The following SNAI1 variants were observed in gnomAD, a reference collection of about 807,000 sequenced individuals.
SNAI1 encodes the protein zinc finger protein SNAI1.
Under a neutral mutation model 24.7 loss-of-function variants are expected in SNAI1, and 15 were observed. The observed-to-expected ratio is 0.61, with a 90% CI of 0.41 to 0.93. The LOEUF (loss-of-function observed/expected upper bound fraction) is 0.93. Ranked by LOEUF, SNAI1 falls within the 40% of genes least tolerant of loss-of-function variation. The pLI is 0.00. For synonymous variants in SNAI1, 163 were observed against 142.9 expected (o/e 1.14, Z -1.00); for missense variants, 283 against 336.7 (o/e 0.84, Z 1.25).
At position 49,987,930 on chromosome 20, in the gene SNAI1, G is replaced by A; in HGVS notation, c.669G>A (p.Leu223=). Reference sequence around the variant, plus strand: ...GTGCCTTCGCTGACCGCTCCAACCTGCGGGCCCACCTCCAGACCCACTCAG... The same window carrying A: ...GTGCCTTCGCTGACCGCTCCAACCTACGGGCCCACCTCCAGACCCACTCAG... The part of the protein sequence containing the change: ...CSRAFADRSN[L]RAHLQTHSDV... Residue 223 remains leucine (L), a synonymous_variant, in exon 3 of 3, where the codon CTG becomes CTA. Coordinates refer to ENST00000244050, the MANE Select transcript of SNAI1 (RefSeq NM_005985.4). The A allele has an allele frequency of 2.5e-6, 4 of 1,614,058 alleles. No individual in the cohort carries two copies. The highest frequency in any genetic ancestry group is 3.4e-6 in the Non-Finnish European group (4 of 1,179,998).
At chr20:49,984,620 A>G (rs2078328246) in intron 2 of SNAI1, among the ~76,000 whole-genome samples, 2 of 152,178 alleles carry the variant, frequency 1.3e-5, no homozygotes, top group Non-Finnish European at 2.9e-5. Context: ...AGGTGCAACC[A>G]ACACCTTGCT....
At position 49,988,372 on chromosome 20, in the gene SNAI1, G is replaced by A. The variant is rs902443306; in HGVS notation, c.*316G>A. 6 of 268,068 alleles carry A rather than the reference G, an allele frequency of 2.2e-5. No individual in the cohort carries two copies. The highest frequency in any genetic ancestry group is 1.3e-4 in the African/African-American group (6 of 45,006). 16.6% of individuals were successfully genotyped at this position (268,068 alleles called of 1,614,324 possible). A position where few individuals can be genotyped will look rare whatever the true frequency, so the allele number is the denominator to read the frequency against. Reference sequence around the variant, plus strand: ...AGAGCTGTTTGGATACAGCTGCTTTGAGCTACAGGACAAAGGCTGACAGAC... The same window carrying A: ...AGAGCTGTTTGGATACAGCTGCTTTAAGCTACAGGACAAAGGCTGACAGAC... On this transcript the variant is annotated 3_prime_UTR_variant, in exon 3 of 3. Transcript: ENST00000244050.
At position 49,988,440 on chromosome 20, in the gene SNAI1, TCA is replaced by T; in HGVS notation, c.*392_*393del. The T allele has an allele frequency of 1.8e-5, 3 of 167,212 alleles. No homozygotes were observed. Among genetic ancestry groups the T allele is most frequent in the Non-Finnish European group, 1.3e-5 (1 of 78,386 alleles). 10.4% of individuals were successfully genotyped at this position (167,212 alleles called of 1,614,324 possible). On this transcript the variant is annotated 3_prime_UTR_variant, in exon 3 of 3. Coordinates refer to ENST00000244050, the MANE Select transcript of SNAI1 (RefSeq NM_005985.4). ...CCCCACTCAGGGGACCCCACTCCCCTCACACACACCCCCCCACAAGGAACCCT... is the reference window on the plus strand; with the variant it reads ...CCCCACTCAGGGGACCCCACTCCCCTCACACACCCCCCCACAAGGAACCCT...
In SNAI1 at chr20:49,983,900, C is replaced by T. The variant is rs1231914478; in HGVS notation, c.159C>T (p.Thr53=). Residue 53 remains threonine (T), a synonymous_variant, in exon 2 of 3, where the codon ACC becomes ACT. Transcript: ENST00000244050. ...CACCTCCGGAGATCCTCAACCCCAC[C>T]GCCTCGCTGCCAATGCTCATCTGGG... ...AIPPPEILNP[T]ASLPMLIWDS... is the part of the protein sequence containing the mutation. 6 of 1,613,122 alleles carry T rather than the reference C, an allele frequency of 3.7e-6. No homozygotes were observed. The highest frequency in any genetic ancestry group is 1.6e-4 in the Middle Eastern group (1 of 6,080).
In SNAI1 at chr20:49,984,011, C is replaced by A; in HGVS notation, c.270C>A (p.Ser90=). The A allele has an allele frequency of 6.2e-7, 1 of 1,613,484 alleles. No homozygotes were observed. The highest frequency in any genetic ancestry group is 8.5e-7 in the Non-Finnish European group (1 of 1,179,666). The change falls in exon 2 of 3, where the codon TCC becomes TCA. Residue 90 remains serine, a synonymous_variant. Coordinates refer to ENST00000244050, the MANE Select transcript of SNAI1 (RefSeq NM_005985.4). ...GTCCCAGGGTGGCAGAGCTGACCTC[C>A]CTGTCAGATGAGGACAGTGGGAAAG... ...QESPRVAELT[S]LSDEDSGKGS...
Position 49,987,999 on chromosome 20 carries a change from C to T in SNAI1, c.738C>T (p.Ser246=), listed in dbSNP as rs1215540236. ...YQCQACARTF[S]RMSLLHKHQE... ...GCCAGGCGTGTGCTCGGACCTTCTCCCGAATGTCCCTGCTCCACAAGCACC... is the reference window on the plus strand; with the variant it reads ...GCCAGGCGTGTGCTCGGACCTTCTCTCGAATGTCCCTGCTCCACAAGCACC... The change falls in exon 3 of 3, where the codon TCC becomes TCT. Residue 246 remains serine (S), a synonymous_variant. Coordinates refer to ENST00000244050, the MANE Select transcript of SNAI1 (RefSeq NM_005985.4). 1 of 1,613,742 alleles carries T rather than the reference C, an allele frequency of 6.2e-7. No individual in the cohort carries two copies. The highest frequency in any genetic ancestry group is 1.7e-5 in the Admixed American group (1 of 59,972).
chr20:49,985,167 C>G (rs908985142), intron 2 of SNAI1, among the ~76,000 whole-genome samples: 1 of 152,158 alleles, frequency 6.6e-6, no homozygotes, highest in Non-Finnish European at 1.5e-5. Flanking sequence ...TGAAAATTTA[C>G]TAAATGTGTA....
chr20:49,984,593 G>C (rs1455990384), intron 2 of SNAI1, among the ~76,000 whole-genome samples: 3 of 152,218 alleles, frequency 2.0e-5, no homozygotes, highest in Non-Finnish European at 4.4e-5. Flanking sequence ...CAAATGGGTC[G>C]GAGCTGGATA....
chr20:49,983,689 G>T lies in SNAI1; in HGVS notation c.83-135G>T, dbSNP rs369451895. On this transcript the variant is annotated intron_variant, in intron 1 of 2. Transcript: ENST00000244050. Reference sequence around the variant, plus strand: ...GGCGAGGAGGGCAGGAACCTGGTCTGTCCTGTGGATAATTTTTTTGATCTA... The same window carrying T: ...GGCGAGGAGGGCAGGAACCTGGTCTTTCCTGTGGATAATTTTTTTGATCTA... The T allele has an allele frequency of 2.0e-4, 174 of 868,156 alleles. 1 individual carries two copies. In the East Asian group the frequency reaches 4.1e-3, roughly 21 times the overall value. 53.8% of individuals were successfully genotyped at this position (868,156 alleles called of 1,614,324 possible).
chr20:49,986,964 A>T (rs1316584836), intron 2 of SNAI1, among the ~76,000 whole-genome samples: 1 of 152,170 alleles, frequency 6.6e-6, no homozygotes. Flanking sequence ...AGACTTATTT[A>T]TTCTCTAAGG....
chr20:49,984,024 G>A lies in SNAI1; in HGVS notation c.283G>A (p.Asp95Asn), dbSNP rs1380552928. The change falls in exon 2 of 3, where the codon GAC becomes AAC. Residue 95 changes from aspartate (D) to asparagine (N), a missense_variant. Coordinates refer to ENST00000244050, the MANE Select transcript of SNAI1 (RefSeq NM_005985.4). ...VAELTSLSDE[D>N]SGKGSQPPSP... ...AGAGCTGACCTCCCTGTCAGATGAG[G>A]ACAGTGGGAAAGGCTCCCAGCCCCC... 2 of 1,613,644 alleles carry A rather than the reference G, an allele frequency of 1.2e-6. No individual in the cohort carries two copies. Among genetic ancestry groups the A allele is most frequent in the Non-Finnish European group, 1.7e-6 (2 of 1,179,812 alleles).
intron 1 of SNAI1, 58 bp downstream of exon 1, chr20:49,983,199 T>TG (rs2078322432): frequency 3.0e-6 from 4 of 1,340,866 alleles, no homozygotes; most frequent in Middle Eastern, 3.6e-4. Context: ...GAAGGCTGCG[T>TG]GGGGGGCACC....
At position 49,988,331 on chromosome 20, in the gene SNAI1, G is replaced by A. The variant is rs186365987; in HGVS notation, c.*275G>A. ...GGGATTCCTGAGCTGGCCTGTCTGC[G>A]TGGGTTTTTGTATCCAGAGCTGTTT... On this transcript the variant is annotated 3_prime_UTR_variant, in exon 3 of 3. Coordinates refer to ENST00000244050, the MANE Select transcript of SNAI1 (RefSeq NM_005985.4). 39 of 409,582 alleles carry A rather than the reference G, an allele frequency of 9.5e-5. No homozygotes were observed. In the East Asian group the frequency reaches 1.2e-3, roughly 13 times the overall value. The allele number at this position is 409,582 out of a possible 1,614,324, so 25.4% of individuals were successfully genotyped here.
Position 49,988,111 on chromosome 20 carries a change from A to C in SNAI1, c.*55A>C, listed in dbSNP as rs548951484. On this transcript the variant is annotated 3_prime_UTR_variant, in exon 3 of 3. Transcript: ENST00000244050. ...CTGCCCCTGCCTGACAGCCTTCCCC[A>C]GCTCCAGCAGGAAGGACCCCACATC... 6.8e-7 allele frequency: 1 copy of C among 1,477,610 alleles called. No homozygotes were observed. Among genetic ancestry groups the C allele is most frequent in the African/African-American group, 1.4e-5 (1 of 71,436 alleles). The allele number at this position is 1,477,610 out of a possible 1,614,324, so 91.5% of individuals were successfully genotyped here.
chr20:49,985,438 T>C (rs1485416640), intron 2 of SNAI1, among the ~76,000 whole-genome samples: 1 of 152,194 alleles, frequency 6.6e-6, no homozygotes, highest in East Asian at 1.9e-4. Flanking sequence ...TCTTCCTTCG[T>C]GCACCAATTG....
Position 49,984,236 on chromosome 20 carries a change from C to G in SNAI1, c.495C>G (p.Ser165Arg). 1 of 1,614,224 alleles carries G rather than the reference C, an allele frequency of 6.2e-7. No individual in the cohort carries two copies. The highest frequency in any genetic ancestry group is 1.1e-5 in the South Asian group (1 of 91,090). The change falls in exon 2 of 3, where the codon AGC becomes AGG. Residue 165 changes from serine to arginine, a missense_variant. By Grantham distance (110) the Ser-to-Arg change is moderately radical. Coordinates refer to ENST00000244050, the MANE Select transcript of SNAI1 (RefSeq NM_005985.4). ...AATACTGCAACAAGGAATACCTCAG[C>G]CTGGGTGCCCTCAAGATGCACATCC... ...NCKYCNKEYL[S>R]LGALKMHIRS...
At chr20:49,984,375 C>T (rs1401116173) in intron 2 of SNAI1, 24 bp downstream of exon 2, 4 of 1,552,872 alleles carry the variant, frequency 2.6e-6, no homozygotes, top group Non-Finnish European at 3.5e-6. Context: ...CAGGCGCCCC[C>T]ACCGTTGCTC....
In SNAI1 at chr20:49,988,048, C is replaced by A; in HGVS notation, c.787C>A (p.Pro263Thr). The A allele has an allele frequency of 1.9e-6, 3 of 1,595,128 alleles. No homozygotes were observed. The highest frequency in any genetic ancestry group is 1.3e-5 in the African/African-American group (1 of 74,776). The change falls in exon 3 of 3, where the codon CCC becomes ACC. Residue 263 changes from proline (P) to threonine (T), a missense_variant. By Grantham distance (38) the Pro-to-Thr change is conservative (BLOSUM62 -1). Coordinates refer to ENST00000244050, the MANE Select transcript of SNAI1 (RefSeq NM_005985.4). Reference sequence around the variant, plus strand: ...CCAAGAGTCCGGCTGCTCAGGATGTCCCCGCTGACCCTCGAGGCTCCCTCT... The same window carrying A: ...CCAAGAGTCCGGCTGCTCAGGATGTACCCGCTGACCCTCGAGGCTCCCTCT... ...KHQESGCSGC[P>T]R
rs759304098 is a variant in SNAI1 at position 49,983,047 on chromosome 20, T to A, written c.-13T>A. The A allele has an allele frequency of 6.2e-7, 1 of 1,610,504 alleles. No individual in the cohort carries two copies. The highest frequency in any genetic ancestry group is 2.2e-5 in the East Asian group (1 of 44,700). The stretch of plus-strand genomic sequence containing the variant: ...CTGCTGCGCGAATCGGCGACCCCAG[T>A]GCCTCGACCACTATGCCGCGCTCTT... On this transcript the variant is annotated 5_prime_UTR_variant, in exon 1 of 3. Transcript: ENST00000244050.
Sources: gnomAD v4.1 joint callset for allele counts (sites outside exome capture counted in the v4.1 genomes callset) on GRCh38, gnomAD v4.1.1 for gene constraint, MANE v1.5 for transcripts, NCBI Gene and HGNC (gene_info 2026-07-23, HGNC 2026-07-21) for gene names.